The following NPAS2 variants were observed in gnomAD, a reference collection of about 807,000 sequenced individuals.
The protein encoded by NPAS2 is neuronal PAS domain protein 2.
In NPAS2, 23 loss-of-function variants were observed where a neutral mutation model predicts 107.5. That is an observed-to-expected ratio of 0.21 (90% CI 0.15 to 0.30). NPAS2 has a LOEUF of 0.30. Ranked by LOEUF, NPAS2 falls within the 10% of genes least tolerant of loss-of-function variation. The pLI, the probability that NPAS2 is intolerant of heterozygous loss-of-function variation, is 1.00. For missense variants in NPAS2, 756 were observed against 1,043.3 expected, an observed-to-expected ratio of 0.72 and a Z score of 3.79; for synonymous variants, 403 against 417.5, an observed-to-expected ratio of 0.97 and a Z score of 0.42.
intron 7 of NPAS2, among the ~76,000 whole-genome samples, chr2:100,950,681 G>T (rs1199168361): frequency 6.6e-6 from 1 of 152,228 alleles, no homozygotes; most frequent in Non-Finnish European, 1.5e-5. Context: ...CAGGTCCAGG[G>T]TGCAGGGCTT....
chr2:100,970,248 T>C (rs928581700), intron 11 of NPAS2, among the ~76,000 whole-genome samples: 4 of 152,186 alleles, frequency 2.6e-5, no homozygotes, highest in African/African-American at 9.7e-5. Context: ...CCCCTCACCC[T>C]TCAGGCTGTG....
At chr2:100,831,942 G>A (rs945615567) in intron 1 of NPAS2, among the ~76,000 whole-genome samples, 4 of 152,066 alleles carry the variant, frequency 2.6e-5, no homozygotes, top group Admixed American at 1.3e-4. Context: ...TTCGTTTGCT[G>A]TCATTTACCC....
intron 1 of NPAS2, among the ~76,000 whole-genome samples, chr2:100,845,342 T>C (rs1282980048): frequency 6.6e-6 from 1 of 152,172 alleles, no homozygotes; most frequent in Non-Finnish European, 1.5e-5. Flanking sequence ...TGCTGATTAT[T>C]GTAGATGAGG....
chr2:100,875,383 A>G (rs1409462786), intron 1 of NPAS2, among the ~76,000 whole-genome samples: 1 of 152,192 alleles, frequency 6.6e-6, no homozygotes, highest in Non-Finnish European at 1.5e-5. Context: ...ACATTTAAAG[A>G]CAGTTAAAAT....
intron 2 of NPAS2, among the ~76,000 whole-genome samples, chr2:100,916,164 G>A (rs1290089285): frequency 1.3e-5 from 2 of 151,824 alleles, no homozygotes; most frequent in African/African-American, 4.8e-5. Context: ...AAAGAAAGCA[G>A]GAAAGGGGAA....
chr2:100,930,743 A>C (rs1390157150), intron 3 of NPAS2, among the ~76,000 whole-genome samples: 1 of 152,184 alleles, frequency 6.6e-6, no homozygotes, highest in Admixed American at 6.5e-5. Flanking sequence ...CAAAATACCC[A>C]GTCATACAGA....
intron 2 of NPAS2, 140 bp downstream of exon 2, chr2:100,904,926 A>G: frequency 1.5e-6 from 1 of 666,974 alleles, no homozygotes. Flanking sequence ...TCTGTGACAT[A>G]TTGCAGTGCT....
intron 7 of NPAS2, among the ~76,000 whole-genome samples, chr2:100,957,653 G>A (rs1326523454): frequency 6.6e-6 from 1 of 152,242 alleles, no homozygotes; most frequent in East Asian, 1.9e-4. Context: ...CCTGCCGGGC[G>A]CGGTGGCTCG....
intron 1 of NPAS2, among the ~76,000 whole-genome samples, chr2:100,836,584 GT>G (rs2104396222): frequency 6.6e-6 from 1 of 152,310 alleles, no homozygotes; most frequent in Non-Finnish European, 1.5e-5. Flanking sequence ...GAATAACAGG[GT>G]CAGGAGTTAA....
rs1320681351 is a variant in NPAS2, at chr2:100,925,273, G to A, written c.160G>A (p.Gly54Arg). ...DKTTVLEKVI[G>R]FLQKHNEVSA... ...AACCACCGTGTTGGAAAAGGTCATC[G>A]GATTTTTGCAGAAACACAATGGTAA... Residue 54 changes from glycine to arginine, a missense_variant, in exon 3 of 21, where the codon GGA becomes AGA. Around this residue, in one of 4 missense-constraint regions of NPAS2, gnomAD observed 146 missense variants for 249.6 expected, o/e 0.58. Coordinates refer to ENST00000335681, the MANE Select transcript of NPAS2 (RefSeq NM_002518.4). The A allele has an allele frequency of 6.2e-6, 10 of 1,613,916 alleles. No individual in the cohort carries two copies. Among genetic ancestry groups the A allele is most frequent in the African/African-American group, 2.7e-5 (2 of 74,896 alleles).
Position 100,977,710 on chromosome 2 carries a change from G to C in NPAS2, c.1393G>C (p.Ala465Pro), listed in dbSNP as rs375419124. ...AACAAAGCCCCTTTCTCTCCCACAG[G>C]CCCCTCTGCCTTCCCCATCGTCCTG... ...PGLSQAATMP[A>P]PLPSPSSCDL... Residue 465 changes from alanine (A) to proline (P), a missense_variant and splice_region_variant, in exon 15 of 21, where the codon GCC becomes CCC. This residue lies in a region of NPAS2 where 496 missense variants were observed against 594.4 expected (regional missense o/e 0.83). Coordinates refer to ENST00000335681, the MANE Select transcript of NPAS2 (RefSeq NM_002518.4). The C allele has an allele frequency of 1.2e-6, 2 of 1,613,924 alleles. No homozygotes were observed.
intron 2 of NPAS2, among the ~76,000 whole-genome samples, chr2:100,909,494 G>A (rs1304450232): frequency 6.6e-6 from 1 of 152,212 alleles, no homozygotes; most frequent in East Asian, 1.9e-4. Flanking sequence ...AAAGGCTGTA[G>A]CCCTTTTGGA....
Position 100,964,737 on chromosome 2 carries a change from C to T in NPAS2, c.718-124C>T, listed in dbSNP as rs148383788. The T allele has an allele frequency of 1.9e-4, 122 of 637,666 alleles. 1 individual carries two copies. Among genetic ancestry groups the T allele is most frequent in the African/African-American group, 1.7e-3 (90 of 52,012 alleles). 39.5% of individuals were successfully genotyped at this position (637,666 alleles called of 1,614,324 possible). A position where few individuals can be genotyped will look rare whatever the true frequency, so the allele number is the denominator to read the frequency against. Reference sequence around the variant, plus strand: ...ACAGATGATGAGTTTCAGTCCAACACGACTTGGAGACTTGCTCGAAATGAT... The same window carrying T: ...ACAGATGATGAGTTTCAGTCCAACATGACTTGGAGACTTGCTCGAAATGAT... On this transcript the variant is annotated intron_variant, in intron 8 of 20. Coordinates refer to ENST00000335681, the MANE Select transcript of NPAS2 (RefSeq NM_002518.4).
chr2:100,945,347 G>T (rs10179143), intron 5 of NPAS2, among the ~76,000 whole-genome samples: 1 of 152,046 alleles, frequency 6.6e-6, no homozygotes, highest in Non-Finnish European at 1.5e-5. Context: ...GCCCAACAGC[G>T]GCTGGCACAT....
chr2:100,949,883 A>G lies in NPAS2; in HGVS notation c.598+403A>G, dbSNP rs1020300442. ...CCCGCTGCAGTACTGTCATGAGCGTATTTTAGTAGACCTGGTCCGTAGGTC... is the reference window on the plus strand; with the variant it reads ...CCCGCTGCAGTACTGTCATGAGCGTGTTTTAGTAGACCTGGTCCGTAGGTC... On this transcript the variant is annotated intron_variant, in intron 7 of 20. Coordinates refer to ENST00000335681, the MANE Select transcript of NPAS2 (RefSeq NM_002518.4). Among the ~76,000 whole-genome samples, 4 of 152,208 alleles carry G rather than the reference A, an allele frequency of 2.6e-5. No homozygotes were observed. In the East Asian group the frequency reaches 5.8e-4, roughly 22 times the overall value.
At chr2:100,835,120 C>T (rs140677216) in intron 1 of NPAS2, among the ~76,000 whole-genome samples, 43 of 152,290 alleles carry the variant, frequency 2.8e-4, no homozygotes, top group Middle Eastern at 6.8e-3. Flanking sequence ...GTTACAGACA[C>T]GAGTTTGCTC....
intron 12 of NPAS2, chr2:100,972,508 C>G (rs1676646767): frequency 6.6e-6 from 1 of 152,262 alleles, no homozygotes; most frequent in South Asian, 2.1e-4. Context: ...AGAAGCATCT[C>G]TCACCCCTGA....
chr2:100,896,308 C>T (rs533488009), intron 1 of NPAS2, among the ~76,000 whole-genome samples: 7 of 152,278 alleles, frequency 4.6e-5, no homozygotes, highest in East Asian at 3.9e-4. Flanking sequence ...ACTCTGAAGT[C>T]GGAAACCCCC....
At chr2:100,925,361 A>G in intron 3 of NPAS2, 67 bp downstream of exon 3, 2 of 1,544,688 alleles carry the variant, frequency 1.3e-6, no homozygotes, top group Admixed American at 1.7e-5. Flanking sequence ...GACTTCACCA[A>G]TCTGGGCTGC....
Sources: gnomAD v4.1 joint callset for allele counts (sites outside exome capture counted in the v4.1 genomes callset) on GRCh38, gnomAD v4.1.1 for gene constraint, gnomAD v4.1.1 regional missense constraint, MANE v1.5 for transcripts, NCBI Gene and HGNC (gene_info 2026-07-23, HGNC 2026-07-21) for gene names.